NR2C2: variants seen among roughly 807,000 people sequenced by gnomAD.
NR2C2 encodes the protein nuclear receptor subfamily 2 group C member 2.
NR2C2 carries 6 observed loss-of-function variants against 62.9 expected under a neutral mutation model. The ratio of observed to expected loss-of-function variants is 0.10; its 90% CI spans 0.05 to 0.19. NR2C2 has a LOEUF of 0.19. Ranked by LOEUF, NR2C2 falls within the 10% of genes least tolerant of loss-of-function variation. NR2C2 has a pLI of 1.00. For synonymous variants in NR2C2, 272 were observed against 273.8 expected (o/e 0.99, Z 0.07); for missense variants, 479 against 762.7 (o/e 0.63, Z 4.38).
intron 1 of NR2C2, among the ~76,000 whole-genome samples, chr3:14,951,263 G>C (rs2039348004): frequency 6.6e-6 from 1 of 151,998 alleles, no homozygotes; most frequent in Admixed American, 6.6e-5. Flanking sequence ...CCATTAATTC[G>C]GGATATTTAT....
In NR2C2 at chr3:14,974,330, T is replaced by C. The variant is rs551273920; in HGVS notation, c.-40+26424T>C. On this transcript the variant is annotated intron_variant, in intron 1 of 13. Transcript: ENST00000425241. ...TTTTGAAATTGGGAAGTACGAGATA[T>C]CTAACTTTGTTCTTTTTCAAGGTTG... is the stretch of plus-strand genomic sequence containing the variant. Among the ~76,000 whole-genome samples, 3 of 152,328 alleles carry C rather than the reference T, an allele frequency of 2.0e-5. No individual in the cohort carries two copies. In the South Asian group the frequency reaches 6.2e-4, roughly 32 times the overall value.
intron 1 of NR2C2, among the ~76,000 whole-genome samples, chr3:14,965,140 A>C (rs114075442): frequency 0.016 from 2,404 of 152,272 alleles, 66 homozygotes; most frequent in African/African-American, 0.054. Context: ...GCCTGGAATC[A>C]CTTTTTTTCT....
chr3:15,018,820 T>C (rs2041586968), intron 4 of NR2C2, among the ~76,000 whole-genome samples: 1 of 151,942 alleles, frequency 6.6e-6, no homozygotes, highest in Non-Finnish European at 1.5e-5. Context: ...AGTTCGAGAC[T>C]AGCCTGGCCA....
chr3:15,023,470 C>G (rs1471836442), intron 6 of NR2C2, 123 bp downstream of exon 6: 1 of 1,096,212 alleles, frequency 9.1e-7, no homozygotes, highest in Non-Finnish European at 1.3e-6. Context: ...GTTGTGTTGC[C>G]TAATTCTGCC....
intron 1 of NR2C2, among the ~76,000 whole-genome samples, chr3:14,953,371 CT>C (rs1479578166): frequency 6.6e-6 from 1 of 151,824 alleles, no homozygotes; most frequent in East Asian, 2.1e-4. Flanking sequence ...TATTTCCCCC[CT>C]GTTTGCGTTA....
intron 13 of NR2C2, chr3:15,042,379 A>G (rs768871087): frequency 2.0e-5 from 3 of 152,842 alleles, no homozygotes; most frequent in Non-Finnish European, 4.4e-5. Flanking sequence ...CATTTTCCCA[A>G]TACTTTATAT....
At chr3:14,973,201 C>T (rs1308109163) in intron 1 of NR2C2, among the ~76,000 whole-genome samples, 4 of 152,028 alleles carry the variant, frequency 2.6e-5, no homozygotes, top group Non-Finnish European at 4.4e-5. Flanking sequence ...AAGAAATTAT[C>T]GCCAAGTCCA....
intron 1 of NR2C2, among the ~76,000 whole-genome samples, chr3:14,949,817 A>C (rs920822261): frequency 3.3e-5 from 5 of 151,982 alleles, no homozygotes; most frequent in Non-Finnish European, 7.4e-5. Flanking sequence ...CCCAGGCTGG[A>C]GTTGAATATA....
At chr3:14,953,440 A>C (rs2039428620) in intron 1 of NR2C2, among the ~76,000 whole-genome samples, 1 of 152,168 alleles carries the variant, frequency 6.6e-6, no homozygotes, top group Non-Finnish European at 1.5e-5. Context: ...GCTGCTGAAA[A>C]GTGAAGAGAA....
chr3:15,016,229 T>C lies in NR2C2; in HGVS notation c.351T>C (p.Cys117=), dbSNP rs970729804. 1.9e-6 allele frequency: 3 copies of C among 1,613,874 alleles called. No individual in the cohort carries two copies. The highest frequency in any genetic ancestry group is 1.3e-5 in the African/African-American group (1 of 74,930). Reference sequence around the variant, plus strand: ...AGCGGCCCCAGGTGGTAGAGTACTGTGTGGTCTGTGGCGACAAAGCCTCCG... The same window carrying C: ...AGCGGCCCCAGGTGGTAGAGTACTGCGTGGTCTGTGGCGACAAAGCCTCCG... ...DVQRPQVVEY[C]VVCGDKASGR... The change falls in exon 4 of 14, where the codon TGT becomes TGC. Residue 117 remains cysteine, a synonymous_variant. Transcript: ENST00000425241.
intron 1 of NR2C2, among the ~76,000 whole-genome samples, chr3:14,970,971 T>G (rs1196033182): frequency 1.3e-5 from 2 of 152,256 alleles, no homozygotes; most frequent in Non-Finnish European, 2.9e-5. Context: ...CAGTATTTAA[T>G]AAATTACATG....
intron 7 of NR2C2, among the ~76,000 whole-genome samples, chr3:15,027,568 GGAGAGAAGTCTATTA>G (rs2041859255): frequency 6.6e-6 from 1 of 152,094 alleles, no homozygotes; most frequent in African/African-American, 2.4e-5. Context: ...TATCTTCTTT[GGAGAGAAGTCTATTA>G]TCTTTGGGGT....
Position 14,976,602 on chromosome 3 carries a change from C to CTTT in NR2C2, c.-39-27254_-39-27252dup, listed in dbSNP as rs533538010. Among the ~76,000 whole-genome samples, 96 of 90,702 alleles carry CTTT rather than the reference C, an allele frequency of 1.1e-3. 2 individuals are homozygous for CTTT. The highest frequency in any genetic ancestry group is 1.9e-3 in the East Asian group (6 of 3,222). 59.5% of individuals were successfully genotyped at this position (90,702 alleles called of 152,430 possible). A position where few individuals can be genotyped will look rare whatever the true frequency, so the allele number is the denominator to read the frequency against. ...TTCTTGAGTCTGTCTTCCTTCCTTC[C>CTTT]TTTTTTTTTTTTTTTTTTTTTTGAT... On this transcript the variant is annotated intron_variant, in intron 1 of 13. Transcript: ENST00000425241.
At chr3:15,023,456 C>A in intron 6 of NR2C2, 109 bp downstream of exon 6, 1 of 1,285,832 alleles carries the variant, frequency 7.8e-7, no homozygotes, top group Non-Finnish European at 1.1e-6. Flanking sequence ...CCATAGCCTC[C>A]AGCGTTGTGT....
rs768143871 is a variant in NR2C2, at chr3:15,034,698, G to T, written c.1261G>T (p.Ala421Ser). The T allele has an allele frequency of 3.7e-6, 6 of 1,614,114 alleles. No individual in the cohort carries two copies. The Admixed American group carries it at 1.0e-4, about 27-fold the overall frequency. The change falls in exon 11 of 14, where the codon GCC becomes TCC. Residue 421 changes from alanine (A) to serine (S), a missense_variant. This residue lies in a region of NR2C2 where 162 missense variants were observed against 296.8 expected (regional missense o/e 0.55). Coordinates refer to ENST00000425241, the MANE Select transcript of NR2C2 (RefSeq NM_001291694.2). Reference protein sequence around the residue: ...GQDCNTSLVRACWNELFTLGL... With the variant: ...GQDCNTSLVRSCWNELFTLGL... Reference sequence around the variant, plus strand: ...GGACTGCAACACCAGCCTTGTGCGGGCCTGCTGGAATGAGCTCTTCACCCT... The same window carrying T: ...GGACTGCAACACCAGCCTTGTGCGGTCCTGCTGGAATGAGCTCTTCACCCT...
chr3:15,022,200 T>C (rs2041686988), intron 5 of NR2C2, among the ~76,000 whole-genome samples: 1 of 152,226 alleles, frequency 6.6e-6, no homozygotes, highest in African/African-American at 2.4e-5. Flanking sequence ...GCTTCTAACA[T>C]GCATATCTGC....
At chr3:15,005,065 T>C (rs1245978609) in intron 2 of NR2C2, among the ~76,000 whole-genome samples, 2 of 152,152 alleles carry the variant, frequency 1.3e-5, no homozygotes, top group African/African-American at 4.8e-5. Context: ...CCCTTTCTTA[T>C]TATGTACCAT....
At chr3:15,024,692 G>A (rs893445550) in intron 7 of NR2C2, among the ~76,000 whole-genome samples, 7 of 152,198 alleles carry the variant, frequency 4.6e-5, no homozygotes, top group Admixed American at 2.0e-4. Flanking sequence ...CAGTCCAAAA[G>A]GGGGAGACTT....
chr3:15,023,451 G>C (rs1394289526), intron 6 of NR2C2, 104 bp downstream of exon 6: 1 of 1,327,154 alleles, frequency 7.5e-7, no homozygotes, highest in Non-Finnish European at 1.1e-6. Flanking sequence ...ATCTGCCATA[G>C]CCTCCAGCGT....
Sources: allele counts gnomAD v4.1 joint callset (sites outside exome capture counted in the v4.1 genomes callset), GRCh38; gene constraint gnomAD v4.1.1; regional missense constraint gnomAD v4.1.1; transcripts MANE v1.5; gene names NCBI Gene and HGNC (gene_info 2026-07-23, HGNC 2026-07-21).